ADAMTSL1: variants seen among roughly 807,000 people sequenced by gnomAD.
ADAMTSL1 encodes the protein ADAMTS-like protein 1.
A neutral mutation model predicts 201.8 loss-of-function variants in ADAMTSL1; 126 were observed. The ratio of observed to expected loss-of-function variants is 0.62; its 90% CI spans 0.54 to 0.72. The LOEUF (loss-of-function observed/expected upper bound fraction) is 0.72, where lower values mean the gene tolerates loss of function less well. Among genes scored for constraint, ADAMTSL1 ranks in the 30% least tolerant of loss-of-function variants. ADAMTSL1 has a pLI of 0.00. For synonymous variants in ADAMTSL1, 1,121 were observed against 903.4 expected (o/e 1.24, Z -4.32); for missense variants, 2,679 against 2,277.8 (o/e 1.18, Z -3.59).
intron 2 of ADAMTSL1, among the ~76,000 whole-genome samples, chr9:18,296,948 C>T (rs1032672698): frequency 6.6e-6 from 1 of 152,154 alleles, no homozygotes; most frequent in African/African-American, 2.4e-5. Flanking sequence ...AAGTTGAGTA[C>T]TTTTTAAAAG....
At chr9:18,309,131 C>T (rs1317379729) in intron 2 of ADAMTSL1, among the ~76,000 whole-genome samples, 1 of 151,130 alleles carries the variant, frequency 6.6e-6, no homozygotes, top group Non-Finnish European at 1.5e-5. Context: ...GGATAAAATT[C>T]AACACCTATT....
In ADAMTSL1 at chr9:18,474,818, G is replaced by T. The variant is rs551049076; in HGVS notation, c.63+523G>T. 3.9e-5 allele frequency among the ~76,000 whole-genome samples: 6 copies of T among 152,298 alleles called. No individual in the cohort carries two copies. The East Asian group carries it at 1.2e-3, about 29-fold the overall frequency. On this transcript the variant is annotated intron_variant, in intron 1 of 28. Transcript: ENST00000380548. Reference sequence around the variant, plus strand: ...AGATTATGGCTCTTAATTACTGCAAGTCATTTATGGATAGAAGTTAATGCT... The same window carrying T: ...AGATTATGGCTCTTAATTACTGCAATTCATTTATGGATAGAAGTTAATGCT...
At chr9:18,412,354 G>A (rs1395691464) in intron 2 of ADAMTSL1, among the ~76,000 whole-genome samples, 1 of 152,104 alleles carries the variant, frequency 6.6e-6, no homozygotes, top group Non-Finnish European at 1.5e-5. Flanking sequence ...GTCCCCCATT[G>A]TCATTTACCT....
intron 2 of ADAMTSL1, among the ~76,000 whole-genome samples, chr9:18,227,038 AT>A (rs2132387915): frequency 6.6e-6 from 1 of 152,200 alleles, no homozygotes; most frequent in South Asian, 2.1e-4. Flanking sequence ...TTCCTTATAC[AT>A]TTTACCTGCT....
At chr9:18,337,344 T>G (rs991067057) in intron 2 of ADAMTSL1, among the ~76,000 whole-genome samples, 12 of 152,114 alleles carry the variant, frequency 7.9e-5, no homozygotes, top group African/African-American at 2.9e-4. Context: ...GTTTTGGGAC[T>G]TGGACGGGCT....
intron 2 of ADAMTSL1, among the ~76,000 whole-genome samples, chr9:18,375,435 A>G (rs1049160947): frequency 2.0e-5 from 3 of 152,248 alleles, no homozygotes; most frequent in South Asian, 2.1e-4. Flanking sequence ...GACAAAATAT[A>G]GAAGTATGTA....
At chr9:18,421,485 T>A (rs1818945762) in intron 2 of ADAMTSL1, among the ~76,000 whole-genome samples, 1 of 152,140 alleles carries the variant, frequency 6.6e-6, no homozygotes, top group African/African-American at 2.4e-5. Context: ...AAAATTTGTG[T>A]CCTTGCTGCT....
At chr9:18,101,636 G>C (rs915038449) in intron 1 of ADAMTSL1, among the ~76,000 whole-genome samples, 25 of 152,218 alleles carry the variant, frequency 1.6e-4, no homozygotes, top group African/African-American at 5.8e-4. Context: ...TCCTGGGAAG[G>C]AGGGTTACTC....
At chr9:18,662,399 A>G (rs146869698) in intron 9 of ADAMTSL1, among the ~76,000 whole-genome samples, 64 of 152,208 alleles carry the variant, frequency 4.2e-4, no homozygotes, top group African/African-American at 1.4e-3. Context: ...GGACCACTCA[A>G]CGTTCTTAAC....
intron 9 of ADAMTSL1, among the ~76,000 whole-genome samples, chr9:18,671,719 C>A (rs1453870526): frequency 6.6e-6 from 1 of 152,064 alleles, no homozygotes. Context: ...CCCTTGAAAC[C>A]ATGAAAGGAT....
chr9:18,489,800 C>T (rs1368637012), intron 1 of ADAMTSL1, among the ~76,000 whole-genome samples: 1 of 152,092 alleles, frequency 6.6e-6, no homozygotes, highest in East Asian at 1.9e-4. Context: ...AACTGTATAC[C>T]ACTTATTTAA....
At chr9:18,167,905 C>T (rs1227830273) in intron 2 of ADAMTSL1, among the ~76,000 whole-genome samples, 2 of 151,976 alleles carry the variant, frequency 1.3e-5, no homozygotes, top group African/African-American at 4.8e-5. Flanking sequence ...GAATGACTCA[C>T]TCTTTCATTA....
At chr9:17,976,624 C>G (rs1436497468) in intron 1 of ADAMTSL1, among the ~76,000 whole-genome samples, 3 of 151,682 alleles carry the variant, frequency 2.0e-5, no homozygotes, top group Admixed American at 2.0e-4. Context: ...TCAGTCCTAA[C>G]AGCTTTTTGG....
intron 2 of ADAMTSL1, among the ~76,000 whole-genome samples, chr9:18,286,565 G>T (rs375839011): frequency 1.8e-5 from 1 of 54,638 alleles, no homozygotes; most frequent in Non-Finnish European, 5.0e-5. Flanking sequence ...TTCTATAGCA[G>T]TTTATGGTTT....
chr9:18,622,473 C>T (rs753170535), intron 5 of ADAMTSL1, 104 bp downstream of exon 5: 18 of 1,510,176 alleles, frequency 1.2e-5, no homozygotes, highest in South Asian at 7.3e-5. Flanking sequence ...TCCACCAAAA[C>T]GATAATGAAC....
chr9:18,346,627 A>G (rs1336268162), intron 2 of ADAMTSL1, among the ~76,000 whole-genome samples: 2 of 152,306 alleles, frequency 1.3e-5, no homozygotes, highest in Admixed American at 1.3e-4. Context: ...CTGCTTGACT[A>G]CATTGCACAC....
At chr9:18,148,156 A>C (rs919842291) in intron 1 of ADAMTSL1, among the ~76,000 whole-genome samples, 13 of 152,028 alleles carry the variant, frequency 8.6e-5, no homozygotes, top group African/African-American at 2.9e-4. Flanking sequence ...AACCTGACAA[A>C]CTTTTAGATT....
intron 16 of ADAMTSL1, among the ~76,000 whole-genome samples, chr9:18,758,112 C>G (rs754114023): frequency 6.6e-6 from 1 of 152,180 alleles, no homozygotes; most frequent in Non-Finnish European, 1.5e-5. Flanking sequence ...TGCACTTGGC[C>G]TCTCTTGAGC....
chr9:18,412,713 T>G (rs777244716), intron 2 of ADAMTSL1, among the ~76,000 whole-genome samples: 1 of 152,240 alleles, frequency 6.6e-6, no homozygotes, highest in Non-Finnish European at 1.5e-5. Flanking sequence ...TATCCCATAT[T>G]AGGCCACTAG....
Sources: gnomAD v4.1 joint callset for allele counts (sites outside exome capture counted in the v4.1 genomes callset) on GRCh38, gnomAD v4.1.1 for gene constraint, MANE v1.5 for transcripts, NCBI Gene and HGNC (gene_info 2026-07-23, HGNC 2026-07-21) for gene names.